Variants in G2E3 observed in about 807,000 individuals in gnomAD.
G2E3 encodes G2/M phase-specific E3 ubiquitin-protein ligase.
Under a neutral mutation model 92.8 loss-of-function variants are expected in G2E3, and 35 were observed. The ratio of observed to expected loss-of-function variants is 0.38; its 90% CI spans 0.29 to 0.50. The LOEUF is 0.50. G2E3 is among the 20% of genes least tolerant of loss of function. G2E3 has a pLI of 0.94. For missense variants in G2E3, 554 were observed against 823.8 expected (o/e 0.67, Z 4.01); for synonymous variants, 242 against 272.4 (o/e 0.89, Z 1.10).
At position 30,602,148 on chromosome 14, in the gene G2E3, G is replaced by T; in HGVS notation, c.1010+17G>T. 1 of 1,566,796 alleles carries T rather than the reference G, an allele frequency of 6.4e-7. No homozygotes were observed. On this transcript the variant is annotated intron_variant, in intron 10 of 14. Coordinates refer to ENST00000206595, the MANE Select transcript of G2E3 (RefSeq NM_017769.5). Reference sequence around the variant, plus strand: ...TCTACTGAGGTATGTATTTTGAATTGGAGAAATACATAAAAATCTATTTGG... The same window carrying T: ...TCTACTGAGGTATGTATTTTGAATTTGAGAAATACATAAAAATCTATTTGG...
At chr14:30,560,233 G>C (rs1377515562) in intron 1 of G2E3, 1 of 152,102 alleles carries the variant, frequency 6.6e-6, no homozygotes, top group Non-Finnish European at 1.5e-5. Flanking sequence ...CTATAAATGG[G>C]AACTTTAAAT....
At chr14:30,577,125 T>C (rs1392277902) in intron 1 of G2E3, among the ~76,000 whole-genome samples, 4 of 147,150 alleles carry the variant, frequency 2.7e-5, no homozygotes, top group African/African-American at 1.0e-4. Flanking sequence ...CTCGGGAGGC[T>C]GAGGCAGGAG....
intron 2 of G2E3, among the ~76,000 whole-genome samples, chr14:30,583,287 T>C (rs1310890584): frequency 1.3e-5 from 2 of 152,260 alleles, no homozygotes; most frequent in African/African-American, 4.8e-5. Context: ...TTTGGTTCTA[T>C]GTATATGTCA....
At chr14:30,592,545 G>C (rs367674874) in intron 5 of G2E3, 98 bp downstream of exon 5, 15,065 of 921,436 alleles carry the variant, frequency 0.016, 154 homozygotes, top group Non-Finnish European at 0.021. Flanking sequence ...TTTCTGTTTA[G>C]AGCATCAGAG....
chr14:30,599,789 G>A (rs577533483), intron 8 of G2E3, among the ~76,000 whole-genome samples: 1 of 152,042 alleles, frequency 6.6e-6, no homozygotes, highest in Admixed American at 6.5e-5. Context: ...ATTTTTTAAT[G>A]TGGCTACTGG....
chr14:30,578,722 AT>A (rs1880259895), intron 1 of G2E3, among the ~76,000 whole-genome samples: 1 of 152,200 alleles, frequency 6.6e-6, no homozygotes, highest in Admixed American at 6.5e-5. Flanking sequence ...CAATAAATTC[AT>A]GTGTATGGAT....
At chr14:30,583,962 C>T (rs1477561980) in intron 2 of G2E3, among the ~76,000 whole-genome samples, 2 of 152,138 alleles carry the variant, frequency 1.3e-5, no homozygotes, top group African/African-American at 4.8e-5. Flanking sequence ...CTATCTAGTT[C>T]TAAAACATTT....
intron 2 of G2E3, among the ~76,000 whole-genome samples, chr14:30,583,800 T>C (rs189147448): frequency 1.3e-5 from 2 of 152,168 alleles, no homozygotes; most frequent in Non-Finnish European, 2.9e-5. Context: ...ATTAGTTGAG[T>C]CTTAACTCAG....
At chr14:30,563,880 G>A (rs145951353) in intron 1 of G2E3, among the ~76,000 whole-genome samples, 4,996 of 152,052 alleles carry the variant, frequency 0.033, 92 homozygotes, top group East Asian at 0.085. Context: ...CACCACGCCC[G>A]GCTAATTTTT....
At chr14:30,563,917 C>T (rs974521587) in intron 1 of G2E3, among the ~76,000 whole-genome samples, 1 of 152,138 alleles carries the variant, frequency 6.6e-6, no homozygotes, top group Non-Finnish European at 1.5e-5. Context: ...CAGGGTTTCG[C>T]CATGTTGGTC....
At chr14:30,590,208 A>G (rs1033730821) in intron 4 of G2E3, among the ~76,000 whole-genome samples, 1 of 152,126 alleles carries the variant, frequency 6.6e-6, no homozygotes, top group Non-Finnish European at 1.5e-5. Context: ...ATGGGGGAGC[A>G]TTTTGGGTGA....
At chr14:30,589,279 A>T in intron 3 of G2E3, 104 bp from the exon 4 acceptor site, 1 of 664,698 alleles carries the variant, frequency 1.5e-6, no homozygotes, top group African/African-American at 1.8e-5. Flanking sequence ...AATTTGAGCC[A>T]TTTTATGTCT....
At chr14:30,568,498 GTTTAA>G (rs1721765925) in intron 1 of G2E3, among the ~76,000 whole-genome samples, 1 of 151,676 alleles carries the variant, frequency 6.6e-6, no homozygotes, top group Admixed American at 6.6e-5. Flanking sequence ...ATTGCCTTTT[GTTTAA>G]TTGATTTGTA....
intron 1 of G2E3, chr14:30,559,743 T>C (rs1878977781): frequency 6.6e-6 from 1 of 152,194 alleles, no homozygotes; most frequent in Non-Finnish European, 1.5e-5. Flanking sequence ...GCGTTCCTCC[T>C]GAGAGAGATA....
intron 1 of G2E3, among the ~76,000 whole-genome samples, chr14:30,574,321 C>T (rs756464801): frequency 2.0e-5 from 3 of 152,090 alleles, no homozygotes; most frequent in South Asian, 2.1e-4. Context: ...TCAATTGCCT[C>T]GGTGATGTCC....
chr14:30,576,065 A>G (rs1880069191), intron 1 of G2E3, among the ~76,000 whole-genome samples: 2 of 152,190 alleles, frequency 1.3e-5, no homozygotes, highest in Admixed American at 6.5e-5. Flanking sequence ...AGCCAAGGCA[A>G]TCCTAAGCAA....
intron 1 of G2E3, among the ~76,000 whole-genome samples, chr14:30,577,410 T>A (rs1291765457): frequency 6.6e-6 from 1 of 152,150 alleles, no homozygotes; most frequent in Non-Finnish European, 1.5e-5. Context: ...ATTTAATTAC[T>A]GATAGTTTCT....
intron 7 of G2E3, among the ~76,000 whole-genome samples, chr14:30,597,804 A>G (rs977284715): frequency 6.6e-6 from 1 of 152,268 alleles, no homozygotes; most frequent in South Asian, 2.1e-4. Flanking sequence ...AGGCTTCAAA[A>G]TGTATAAATT....
At chr14:30,562,479 C>G (rs1263461073) in intron 1 of G2E3, among the ~76,000 whole-genome samples, 1 of 152,150 alleles carries the variant, frequency 6.6e-6, no homozygotes, top group Non-Finnish European at 1.5e-5. Context: ...CCAGAGGGCT[C>G]CTTGTTCTAG....
Sources: allele counts gnomAD v4.1 joint callset (sites outside exome capture counted in the v4.1 genomes callset), GRCh38; gene constraint gnomAD v4.1.1; transcripts MANE v1.5; gene names NCBI Gene and HGNC (gene_info 2026-07-23, HGNC 2026-07-21).